URGCP: variants seen among roughly 807,000 people sequenced by gnomAD.
The protein encoded by URGCP is upregulator of cell proliferation.
A neutral mutation model predicts 24.6 loss-of-function variants in URGCP; 13 were observed. The observed-to-expected ratio is 0.53, with a 90% CI of 0.34 to 0.84. The LOEUF is 0.84. Ranked by LOEUF, URGCP falls within the 40% of genes least tolerant of loss-of-function variation. The pLI, the probability that URGCP is intolerant of heterozygous loss-of-function variation, is 0.01. For synonymous variants in URGCP, 444 were observed against 487.2 expected, an observed-to-expected ratio of 0.91 and a Z score of 1.17; for missense variants, 899 against 1,194.3, an observed-to-expected ratio of 0.75 and a Z score of 3.64.
intron 1 of URGCP, among the ~76,000 whole-genome samples, chr7:43,898,912 G>A (rs1338202386): frequency 2.0e-5 from 3 of 148,900 alleles, no homozygotes; most frequent in African/African-American, 7.3e-5. Flanking sequence ...AAGGCAGGCA[G>A]ATTACCTGAA....
chr7:43,912,429 A>G (rs1472998682), intron 1 of URGCP, among the ~76,000 whole-genome samples: 1 of 152,088 alleles, frequency 6.6e-6, no homozygotes, highest in African/African-American at 2.4e-5. Flanking sequence ...AACCCAGGAG[A>G]TGGAGGTTGC....
At chr7:43,894,962 T>C (rs1228340092) in intron 1 of URGCP, among the ~76,000 whole-genome samples, 3 of 151,348 alleles carry the variant, frequency 2.0e-5, no homozygotes, top group Non-Finnish European at 4.4e-5. Flanking sequence ...GGCCGGGAGG[T>C]TGAAGCTGAG....
At chr7:43,883,118 C>T (rs1201169127) in intron 3 of URGCP, among the ~76,000 whole-genome samples, 1 of 151,786 alleles carries the variant, frequency 6.6e-6, no homozygotes, top group Non-Finnish European at 1.5e-5. Flanking sequence ...ATCTTAATTA[C>T]AAAATGTGTT....
chr7:43,876,879 G>T lies in URGCP; in HGVS notation c.2584C>A (p.Leu862Met), dbSNP rs773381350. The part of the protein sequence containing the change: ...MEKQGDGFRA[L>M]AGLAFCDPEK... ...GGGTCGCAGAAGGCCAGGCCTGCCA[G>T]TGCCCGGAAGCCGTCGCCCTGTTTC... The change falls in exon 6 of 6, where the codon CTG (leucine) becomes ATG (methionine). Residue 862 changes from leucine (L) to methionine (M), a missense_variant. By Grantham distance (15) the Leu-to-Met change is conservative. Transcript: ENST00000453200. 28 of 1,613,924 alleles carry T rather than the reference G, an allele frequency of 1.7e-5. No homozygotes were observed. In the African/African-American group the frequency reaches 2.9e-4, roughly 17 times the overall value.
chr7:43,891,237 A>G (rs1364726775), intron 1 of URGCP, among the ~76,000 whole-genome samples: 1 of 152,202 alleles, frequency 6.6e-6, no homozygotes, highest in African/African-American at 2.4e-5. Context: ...ATTTCTAGCA[A>G]CAAAACTGGT....
At chr7:43,926,579 A>C, upstream of URGCP, 1 of 1,562,650 alleles carries the variant, frequency 6.4e-7, no homozygotes, top group Non-Finnish European at 8.6e-7. Flanking sequence ...CCACCCTCCA[A>C]CTCTTTGGGT....
chr7:43,903,122 T>TA (rs779117995), intron 1 of URGCP, among the ~76,000 whole-genome samples: 13,655 of 129,872 alleles, frequency 0.11, 837 homozygotes, highest in Middle Eastern at 0.18. Flanking sequence ...CCACTGCTAT[T>TA]AAAAAAAAAA....
chr7:43,916,709 CCA>C (rs1156264084), intron 1 of URGCP, among the ~76,000 whole-genome samples: 11 of 36,336 alleles, frequency 3.0e-4, no homozygotes, highest in African/African-American at 1.3e-3. Flanking sequence ...CACTCCCTAC[CCA>C]CCCCCCCCCC....
At chr7:43,917,476 G>A (rs1054175038) in intron 1 of URGCP, among the ~76,000 whole-genome samples, 1 of 152,190 alleles carries the variant, frequency 6.6e-6, no homozygotes, top group Non-Finnish European at 1.5e-5. Flanking sequence ...CCTTGGAAGC[G>A]TGACCTGTAA....
At chr7:43,879,560 G>A (rs2095850840) in intron 5 of URGCP, 1 of 311,460 alleles carries the variant, frequency 3.2e-6, no homozygotes, top group Non-Finnish European at 5.9e-6. Flanking sequence ...TCTTGCAAAA[G>A]CCATATTTCT....
intron 5 of URGCP, chr7:43,879,900 C>CA (rs200782583): frequency 2.6e-5 from 4 of 151,754 alleles, no homozygotes; most frequent in Non-Finnish European, 5.9e-5. Flanking sequence ...TGCAGGTTTT[C>CA]TTTTTTTTCT....
intron 3 of URGCP, among the ~76,000 whole-genome samples, chr7:43,883,310 T>TTA (rs2095856695): frequency 7.0e-6 from 1 of 142,718 alleles, no homozygotes; most frequent in Non-Finnish European, 1.5e-5. Context: ...GTTCCAAAAT[T>TTA]TATATATATA....
intron 1 of URGCP, among the ~76,000 whole-genome samples, chr7:43,921,023 G>A (rs1178256466): frequency 6.6e-6 from 1 of 152,100 alleles, no homozygotes; most frequent in Non-Finnish European, 1.5e-5. Flanking sequence ...TGTGTGTGAT[G>A]TCTGTAAAAA....
At chr7:43,887,756 A>T in intron 2 of URGCP, 34 bp downstream of exon 2, 1 of 1,548,612 alleles carries the variant, frequency 6.5e-7, no homozygotes, top group Non-Finnish European at 8.7e-7. Flanking sequence ...GAGCACAAAT[A>T]CAGTCATTCA....
At chr7:43,900,464 CA>C (rs1166653286) in intron 1 of URGCP, among the ~76,000 whole-genome samples, 19 of 54,496 alleles carry the variant, frequency 3.5e-4, no homozygotes, top group African/African-American at 1.5e-3. Context: ...CAAAAAAAAC[CA>C]AAACAAAAAA....
upstream of URGCP, chr7:43,906,656 G>T (rs1362531176): frequency 8.0e-6 from 9 of 1,128,712 alleles, no homozygotes; most frequent in Non-Finnish European, 9.8e-6. Flanking sequence ...GGCCTGGCCC[G>T]CCGGCCGCCC....
intron 3 of URGCP, among the ~76,000 whole-genome samples, chr7:43,882,257 A>G (rs2095855079): frequency 6.6e-6 from 1 of 152,232 alleles, no homozygotes; most frequent in Admixed American, 6.5e-5. Context: ...AGCCTGGCCA[A>G]CATGGCGAAA....
intron 1 of URGCP, among the ~76,000 whole-genome samples, chr7:43,922,079 G>T (rs1019236582): frequency 1.4e-4 from 21 of 151,424 alleles, no homozygotes; most frequent in African/African-American, 4.9e-4. Context: ...TTGTTTGTTT[G>T]TTTGAGAGTG....
rs1177957943 is a variant in URGCP at position 43,881,912 on chromosome 7, T to C, written c.158A>G (p.Tyr53Cys). ...EMEGDDCEFR[Y>C]GDGTNEAQDN... ...CCAAATCCTGTAGTTTCTACCTCCA[T>C]AACGGAACTCGCAATCATCTCCTTC... The change falls in exon 4 of 6, where the codon TAT becomes TGT. Residue 53 changes from tyrosine (Y) to cysteine (C), a missense_variant. Physicochemically the swap from Tyr to Cys is radical, Grantham distance 194. Transcript: ENST00000453200. 1.2e-6 allele frequency: 2 copies of C among 1,613,962 alleles called. No homozygotes were observed. The highest frequency in any genetic ancestry group is 8.5e-7 in the Non-Finnish European group (1 of 1,179,908).
Sources: allele counts gnomAD v4.1 joint callset (sites outside exome capture counted in the v4.1 genomes callset), GRCh38; gene constraint gnomAD v4.1.1; transcripts MANE v1.5; gene names NCBI Gene and HGNC (gene_info 2026-07-23, HGNC 2026-07-21).